PACSIN1: variants seen among roughly 807,000 people sequenced by gnomAD.
The protein encoded by PACSIN1 is protein kinase C and casein kinase substrate in neurons 1.
PACSIN1 carries 15 observed loss-of-function variants against 59.5 expected under a neutral mutation model. That is an observed-to-expected ratio of 0.25 (90% confidence interval 0.17 to 0.39). The LOEUF (loss-of-function observed/expected upper bound fraction) is 0.39, where lower values mean the gene tolerates loss of function less well. Among genes scored for constraint, PACSIN1 ranks in the 10% least tolerant of loss-of-function variants. The pLI, the probability that PACSIN1 is intolerant of heterozygous loss-of-function variation, is 1.00. For missense variants in PACSIN1, 420 were observed against 580.2 expected (o/e 0.72, Z 2.84); for synonymous variants, 210 against 220.6 (o/e 0.95, Z 0.42).
Position 34,521,530 on chromosome 6 carries a change from G to A in PACSIN1, c.-63-4713G>A, listed in dbSNP as rs540173978. 5.9e-5 allele frequency among the ~76,000 whole-genome samples: 9 copies of A among 152,274 alleles called. No individual in the cohort carries two copies. The highest frequency in any genetic ancestry group is 1.9e-4 in the African/African-American group (8 of 41,542). On this transcript the variant is annotated intron_variant, in intron 1 of 9. Coordinates refer to ENST00000244458, the MANE Select transcript of PACSIN1 (RefSeq NM_020804.5). The surrounding 1 kb of genome is among the most constrained non-coding windows in gnomAD (Gnocchi z 4.3). ...CTGGGGCTCCTTTGTCACTGAGGCC[G>A]CCATTACAGACTTGGCCCACATCTC...
Position 34,527,387 on chromosome 6 carries a change from A to G in PACSIN1, c.119A>G (p.Asn40Ser). The G allele has an allele frequency of 4.4e-6, 7 of 1,601,396 alleles. No homozygotes were observed. The highest frequency in any genetic ancestry group is 6.0e-6 in the Non-Finnish European group (7 of 1,175,188). ...ATCGATGACGGCCACCGTCTATGCAACGACCTGATGAACTGCGTGCAGGAG... is the reference window on the plus strand; with the variant it reads ...ATCGATGACGGCCACCGTCTATGCAGCGACCTGATGAACTGCGTGCAGGAG... The part of the protein sequence containing the change: ...KRIDDGHRLC[N>S]DLMNCVQERA... Residue 40 changes from asparagine to serine, a missense_variant, in exon 3 of 10, where the codon AAC becomes AGC. Transcript: ENST00000244458.
rs1170650074 is a variant in PACSIN1, at chr6:34,529,763, T to G, written c.710T>G (p.Phe237Cys). 2 of 1,613,936 alleles carry G rather than the reference T, an allele frequency of 1.2e-6. No homozygotes were observed. The highest frequency in any genetic ancestry group is 1.7e-6 in the Non-Finnish European group (2 of 1,180,014). The change falls in exon 6 of 10, where the codon TTT becomes TGT. Residue 237 changes from phenylalanine (F) to cysteine (C), a missense_variant. By Grantham distance (205) the Phe-to-Cys change is radical. Transcript: ENST00000244458. The surrounding 1 kb of genome is among the most constrained non-coding windows in gnomAD (Gnocchi z 6.3). The stretch of plus-strand genomic sequence containing the variant: ...CAGGTGTTTGAGCAATGCCAGCAAT[T>G]TGAGGAAAAGCGGCTGGTCTTCCTC... Reference protein sequence around the residue: ...MEQVFEQCQQFEEKRLVFLKE... With the variant: ...MEQVFEQCQQCEEKRLVFLKE...
At chr6:34,504,651 G>A (rs978788124) in intron 1 of PACSIN1, among the ~76,000 whole-genome samples, 1 of 152,152 alleles carries the variant, frequency 6.6e-6, no homozygotes, top group African/African-American at 2.4e-5. Flanking sequence ...GAGAAGGAAA[G>A]TTGATCATAT....
At chr6:34,523,837 G>T (rs1367054592) in intron 1 of PACSIN1, among the ~76,000 whole-genome samples, 1 of 152,204 alleles carries the variant, frequency 6.6e-6, no homozygotes, top group African/African-American at 2.4e-5. Flanking sequence ...TGATACGGGG[G>T]TCCACATGCT....
At chr6:34,527,882 T>C (rs539028031) in intron 3 of PACSIN1, among the ~76,000 whole-genome samples, 2 of 152,310 alleles carry the variant, frequency 1.3e-5, no homozygotes, top group South Asian at 4.1e-4. Flanking sequence ...CCCTAAATTC[T>C]TCATGTATCT....
intron 1 of PACSIN1, among the ~76,000 whole-genome samples, chr6:34,493,001 G>A (rs960727475): frequency 1.3e-5 from 2 of 152,234 alleles, no homozygotes; most frequent in Non-Finnish European, 2.9e-5. Flanking sequence ...GCAGAAGAGT[G>A]GGAGAGGGTG....
In PACSIN1 at chr6:34,500,677, TC is replaced by T. The variant is rs369776608; in HGVS notation, c.-63-25564del. On this transcript the variant is annotated intron_variant, in intron 1 of 9. Coordinates refer to ENST00000244458, the MANE Select transcript of PACSIN1 (RefSeq NM_020804.5). ...AGCCCCTAACAAGAGAGTCAGCCTG[TC>T]CTTTGAAGCACTGAAGCCAGGCATT... 5.7e-3 allele frequency among the ~76,000 whole-genome samples: 875 copies of T among 152,332 alleles called. 8 individuals carry two copies. Among genetic ancestry groups the T allele is most frequent in the African/African-American group, 0.02 (834 of 41,572 alleles).
chr6:34,507,093 AAAG>A (rs1767127659), intron 1 of PACSIN1, among the ~76,000 whole-genome samples: 1 of 152,152 alleles, frequency 6.6e-6, no homozygotes, highest in Admixed American at 6.5e-5. Context: ...TCCTTTGGCT[AAAG>A]AGAGCAGGTT....
At position 34,534,857 on chromosome 6, in the gene PACSIN1, C is replaced by T. The variant is rs1767665551; in HGVS notation, c.*2327C>T. The T allele has an allele frequency of 6.5e-6, 1 of 152,810 alleles. No homozygotes were observed. The highest frequency in any genetic ancestry group is 1.5e-5 in the Non-Finnish European group (1 of 68,142). The allele number at this position is 152,810 out of a possible 1,614,324, so 9.5% of individuals were successfully genotyped here. On this transcript the variant is annotated 3_prime_UTR_variant, in exon 10 of 10. Coordinates refer to ENST00000244458, the MANE Select transcript of PACSIN1 (RefSeq NM_020804.5). ...CCAGTGCTGGTGTCAGGGCACTCAACACCGAGTGTGGGGGCCACGCCCCTT... is the reference window on the plus strand; with the variant it reads ...CCAGTGCTGGTGTCAGGGCACTCAATACCGAGTGTGGGGGCCACGCCCCTT...
rs1336730154 is a variant in PACSIN1, at chr6:34,488,102, C to T, written c.-64+21832C>T. On this transcript the variant is annotated intron_variant, in intron 1 of 9. Coordinates refer to ENST00000244458, the MANE Select transcript of PACSIN1 (RefSeq NM_020804.5). This position sits in a 1 kb window ranked among gnomAD's most constrained non-coding sequence, Gnocchi z 4.7. The stretch of plus-strand genomic sequence containing the variant: ...CCTCTTCAATGACCCTGACCTTGGC[C>T]AGCACCTCTGTTGGTCTGGGTGGCT... Among the ~76,000 whole-genome samples, 1 of 152,150 alleles carries T rather than the reference C, an allele frequency of 6.6e-6. No homozygotes were observed. Among genetic ancestry groups the T allele is most frequent in the Non-Finnish European group, 1.5e-5 (1 of 68,016 alleles).
chr6:34,520,073 T>C (rs1324676500), intron 1 of PACSIN1, among the ~76,000 whole-genome samples: 3 of 151,970 alleles, frequency 2.0e-5, no homozygotes, highest in Non-Finnish European at 4.4e-5. Flanking sequence ...CAGAGGTTTT[T>C]TGGGGAGGGG....
rs539712410 is a variant in PACSIN1 at position 34,488,429 on chromosome 6, G to A, written c.-64+22159G>A. 7.9e-5 allele frequency among the ~76,000 whole-genome samples: 12 copies of A among 152,248 alleles called. No homozygotes were observed. The East Asian group carries it at 1.2e-3, about 15-fold the overall frequency. Reference sequence around the variant, plus strand: ...CCCTGCTGGTTTCTTGCCACAAGGGGCCTGAAGGGAAGTGGTGGCAGTTAC... The same window carrying A: ...CCCTGCTGGTTTCTTGCCACAAGGGACCTGAAGGGAAGTGGTGGCAGTTAC... On this transcript the variant is annotated intron_variant, in intron 1 of 9. Transcript: ENST00000244458. This position sits in a 1 kb window ranked among gnomAD's most constrained non-coding sequence, Gnocchi z 4.7.
At chr6:34,519,774 C>A (rs776891289) in intron 1 of PACSIN1, among the ~76,000 whole-genome samples, 10 of 152,074 alleles carry the variant, frequency 6.6e-5, no homozygotes, top group African/African-American at 2.4e-4. Context: ...ATGAGGAAAC[C>A]GAGGCACAGA....
chr6:34,498,832 A>G (rs1766984761), intron 1 of PACSIN1, among the ~76,000 whole-genome samples: 1 of 151,012 alleles, frequency 6.6e-6, no homozygotes, highest in South Asian at 2.1e-4. Flanking sequence ...CCCAGGTAAG[A>G]AAACTGGATA....
chr6:34,469,990 T>C (rs1406324386), intron 1 of PACSIN1, among the ~76,000 whole-genome samples: 1 of 152,004 alleles, frequency 6.6e-6, no homozygotes, highest in Non-Finnish European at 1.5e-5. Context: ...CAGACCCACC[T>C]GCTGGGGACA....
intron 1 of PACSIN1, among the ~76,000 whole-genome samples, chr6:34,505,080 G>C (rs1767088536): frequency 6.6e-6 from 1 of 151,620 alleles, no homozygotes; most frequent in Non-Finnish European, 1.5e-5. Flanking sequence ...TGAGCTCTTG[G>C]GCTCAAGTAA....
chr6:34,528,518 T>C, intron 3 of PACSIN1, 124 bp from the exon 4 acceptor site: 1 of 750,594 alleles, frequency 1.3e-6, no homozygotes, highest in Non-Finnish European at 2.3e-6. Context: ...TGGGGCCACG[T>C]AGAGCAGAGG....
chr6:34,476,229 T>C (rs2127240816), intron 1 of PACSIN1, among the ~76,000 whole-genome samples: 1 of 152,356 alleles, frequency 6.6e-6, no homozygotes, highest in Non-Finnish European at 1.5e-5. Flanking sequence ...GCATGAACTA[T>C]GTGCTAGCAC....
At chr6:34,527,190 G>A (rs1767502662) in intron 2 of PACSIN1, 142 bp from the exon 3 acceptor site, 4 of 831,156 alleles carry the variant, frequency 4.8e-6, no homozygotes, top group Non-Finnish European at 6.8e-6. Context: ...GCGGGGCGGG[G>A]GGCGGGGGCG....
Sources: gnomAD v4.1 joint callset for allele counts (sites outside exome capture counted in the v4.1 genomes callset) on GRCh38, gnomAD v4.1.1 for gene constraint, Gnocchi (gnomAD v3.1) non-coding constraint, MANE v1.5 for transcripts, NCBI Gene and HGNC (gene_info 2026-07-23, HGNC 2026-07-21) for gene names.